The following HOXD3 variants were observed in gnomAD, a reference collection of about 807,000 sequenced individuals.
HOXD3 encodes homeobox protein Hox-D3.
Under a neutral mutation model 32.8 loss-of-function variants are expected in HOXD3, and 13 were observed. The ratio of observed to expected loss-of-function variants is 0.40; its 90% CI spans 0.26 to 0.63. The LOEUF (loss-of-function observed/expected upper bound fraction) is 0.63, where lower values mean the gene tolerates loss of function less well. Among genes scored for constraint, HOXD3 ranks in the 20% least tolerant of loss-of-function variants. The probability of loss-of-function intolerance (pLI) is 0.44; values close to 1 mark genes in which losing one functional copy is unlikely to be tolerated. For synonymous variants in HOXD3, 241 were observed against 246.8 expected (o/e 0.98, Z 0.22); for missense variants, 504 against 577.1 (o/e 0.87, Z 1.30).
intron 3 of HOXD3, among the ~76,000 whole-genome samples, chr2:176,171,117 G>C (rs975102743): frequency 6.6e-6 from 1 of 152,092 alleles, no homozygotes; most frequent in Non-Finnish European, 1.5e-5. Context: ...CCCCACCCCT[G>C]GCAGCAGAGG....
chr2:176,162,309 T>G (rs993160178), intron 1 of HOXD3, among the ~76,000 whole-genome samples: 4 of 152,188 alleles, frequency 2.6e-5, no homozygotes, highest in Admixed American at 6.5e-5. Flanking sequence ...CACTTATAAC[T>G]TCCCCCGAAA....
At chr2:176,170,903 T>TG (rs369437031) in intron 3 of HOXD3, among the ~76,000 whole-genome samples, 112 of 151,312 alleles carry the variant, frequency 7.4e-4, no homozygotes, top group African/African-American at 1.8e-3. Flanking sequence ...CAGTGTTTTT[T>TG]TTTGTTTGTT....
At position 176,172,220 on chromosome 2, in the gene HOXD3, C is replaced by G; in HGVS notation, c.1245C>G (p.Ala415=). The G allele has an allele frequency of 6.2e-7, 1 of 1,611,116 alleles. No homozygotes were observed. Among genetic ancestry groups the G allele is most frequent in the Non-Finnish European group, 8.5e-7 (1 of 1,179,914 alleles). The part of the protein sequence containing the change: ...DPHPTYTDLS[A]HHSSQGRLPE... ...ATCCCACCTACACAGATCTCTCGGC[C>G]CACCACTCGTCTCAGGGACGACTGC... is the stretch of plus-strand genomic sequence containing the variant. Residue 415 remains alanine (A), a synonymous_variant, in exon 4 of 4, where the codon GCC becomes GCG. Transcript: ENST00000683222.
chr2:176,160,153 A>G (rs961229983), intron 1 of HOXD3, among the ~76,000 whole-genome samples: 1 of 151,902 alleles, frequency 6.6e-6, no homozygotes, highest in African/African-American at 2.4e-5. Flanking sequence ...CCCTGGGAGG[A>G]GCTGGGCGTC....
chr2:176,159,654 T>C (rs1410268696), intron 1 of HOXD3, among the ~76,000 whole-genome samples: 2 of 152,212 alleles, frequency 1.3e-5, no homozygotes, highest in African/African-American at 4.8e-5. Flanking sequence ...AATTCTTTTT[T>C]CCCACATTGC....
rs761408179 is a variant in HOXD3 at position 176,172,006 on chromosome 2, G to A, written c.1031G>A (p.Gly344Asp). 10 of 1,607,034 alleles carry A rather than the reference G, an allele frequency of 6.2e-6. No homozygotes were observed. Among genetic ancestry groups the A allele is most frequent in the Non-Finnish European group, 1.7e-6 (2 of 1,178,798 alleles). Residue 344 changes from glycine to aspartate, a missense_variant, in exon 4 of 4, where the codon GGC (glycine) becomes GAC (aspartate). By Grantham distance (94) the Gly-to-Asp change is moderately conservative. Coordinates refer to ENST00000683222, the MANE Select transcript of HOXD3 (RefSeq NM_006898.5). ...CCCCATCCCATGGCGAGCAACGGCGGCGGCTTCGCCAGCGCCAACTTGCAG... is the reference window on the plus strand; with the variant it reads ...CCCCATCCCATGGCGAGCAACGGCGACGGCTTCGCCAGCGCCAACTTGCAG... ...FEPHPMASNGGGFASANLQGS... is the reference protein window; with the variant it reads ...FEPHPMASNGDGFASANLQGS...
In HOXD3 at chr2:176,171,888, T is replaced by G. The variant is rs983423831; in HGVS notation, c.913T>G (p.Ser305Ala). The change falls in exon 4 of 4, where the codon TCA becomes GCA. Residue 305 changes from serine (S) to alanine (A), a missense_variant. Coordinates refer to ENST00000683222, the MANE Select transcript of HOXD3 (RefSeq NM_006898.5). Reference sequence around the variant, plus strand: ...GCCCTCGCCGCCTGCTTTCGCCAAATCACAGCCCAATATGTACGGCCTGGC... The same window carrying G: ...GCCCTCGCCGCCTGCTTTCGCCAAAGCACAGCCCAATATGTACGGCCTGGC... ...DAPSPPAFAK[S>A]QPNMYGLAAY... The G allele has an allele frequency of 6.2e-7, 1 of 1,605,804 alleles. No individual in the cohort carries two copies. The highest frequency in any genetic ancestry group is 1.3e-5 in the African/African-American group (1 of 74,750).
In HOXD3 at chr2:176,169,053, G is replaced by A. The variant is rs961238109; in HGVS notation, c.-62G>A. ...CAGGTCACCTGGAGCCTGGGGGCCG[G>A]CCCAGCTCTCTCAGGATTCAGCAGA... On this transcript the variant is annotated 5_prime_UTR_variant, in exon 3 of 4. Coordinates refer to ENST00000683222, the MANE Select transcript of HOXD3 (RefSeq NM_006898.5). The A allele has an allele frequency of 1.6e-5, 25 of 1,537,550 alleles. No individual in the cohort carries two copies. The highest frequency in any genetic ancestry group is 2.2e-5 in the Non-Finnish European group (25 of 1,142,000).
At chr2:176,168,872 TAATA>T (rs765670447) in intron 2 of HOXD3, among the ~76,000 whole-genome samples, 155 bp from the exon 3 acceptor site, 1 of 152,188 alleles carries the variant, frequency 6.6e-6, no homozygotes, top group Non-Finnish European at 1.5e-5. Flanking sequence ...GACACTGTAT[TAATA>T]AATAAATAGA....
At chr2:176,154,061 AG>A (rs1454929335), upstream of HOXD3, among the ~76,000 whole-genome samples, 1 of 151,762 alleles carries the variant, frequency 6.6e-6, no homozygotes, top group East Asian at 1.9e-4. Flanking sequence ...TGCTTTAAGA[AG>A]GAAAAAAAAA....
Position 176,169,510 on chromosome 2 carries a change from C to A in HOXD3, c.396C>A (p.Thr132=). ...CGACCCTGCCCCCATCTTCACCCACCAATCCTGGAGGTGGAGTGCCTGCCA... is the reference window on the plus strand; with the variant it reads ...CGACCCTGCCCCCATCTTCACCCACAAATCCTGGAGGTGGAGTGCCTGCCA... The part of the protein sequence containing the change: ...PPPTLPPSSP[T]NPGGGVPAKK... Residue 132 remains threonine, a synonymous_variant, in exon 3 of 4, where the codon ACC becomes ACA. Coordinates refer to ENST00000683222, the MANE Select transcript of HOXD3 (RefSeq NM_006898.5). The A allele has an allele frequency of 6.2e-7, 1 of 1,614,088 alleles. No homozygotes were observed. The highest frequency in any genetic ancestry group is 8.5e-7 in the Non-Finnish European group (1 of 1,180,010).
intron 3 of HOXD3, 66 bp downstream of exon 3, chr2:176,169,721 C>T: frequency 6.6e-7 from 1 of 1,514,678 alleles, no homozygotes. Context: ...GAAGCCTAGT[C>T]AGGGCTGGAA....
chr2:176,172,160 T>A lies in HOXD3; in HGVS notation c.1185T>A (p.Ile395=). ...TGGACTACAGTTGCGCCGCGCAGAT[T>A]CCAGGCAACCACCACCATGGACCTT... ...ASVDYSCAAQ[I]PGNHHHGPCD... The change falls in exon 4 of 4, where the codon ATT becomes ATA. Residue 395 remains isoleucine (I), a synonymous_variant. Transcript: ENST00000683222. 1.2e-6 allele frequency: 2 copies of A among 1,613,208 alleles called. No individual in the cohort carries two copies. The highest frequency in any genetic ancestry group is 1.6e-4 in the Middle Eastern group (1 of 6,062).
chr2:176,172,409 C>A lies in HOXD3; in HGVS notation c.*135C>A. The stretch of plus-strand genomic sequence containing the variant: ...CTGCCGCCGCCTCCCGGGTCTCAGG[C>A]CTCCAGCGGCGGAGGCGCAGGCGAC... On this transcript the variant is annotated 3_prime_UTR_variant, in exon 4 of 4. Transcript: ENST00000683222. 1.1e-6 allele frequency: 1 copy of A among 888,490 alleles called. No individual in the cohort carries two copies. The allele number at this position is 888,490 out of a possible 1,614,324, so 55.0% of individuals were successfully genotyped here.
chr2:176,172,092 G>T lies in HOXD3; in HGVS notation c.1117G>T (p.Val373Phe). Residue 373 changes from valine (V) to phenylalanine (F), a missense_variant, in exon 4 of 4, where the codon GTC (valine) becomes TTC (phenylalanine). By Grantham distance (50) the Val-to-Phe change is conservative (BLOSUM62 -1). Transcript: ENST00000683222. ...VESMAPASGP[V>F]FNLGHLSHPS... ...GTCCATGGCGCCCGCGTCCGGGCCT[G>T]TCTTCAACCTGGGCCACCTCTCGCA... 1 of 1,612,266 alleles carries T rather than the reference G, an allele frequency of 6.2e-7. No homozygotes were observed. Among genetic ancestry groups the T allele is most frequent in the Non-Finnish European group, 8.5e-7 (1 of 1,179,880 alleles).
Position 176,172,330 on chromosome 2 carries a change from G to C in HOXD3, c.*56G>C. 3.4e-6 allele frequency: 5 copies of C among 1,488,632 alleles called. No homozygotes were observed. Among genetic ancestry groups the C allele is most frequent in the Non-Finnish European group, 4.5e-6 (5 of 1,111,140 alleles). 92.2% of individuals were successfully genotyped at this position (1,488,632 alleles called of 1,614,324 possible). A position where few individuals can be genotyped will look rare whatever the true frequency, so the allele number is the denominator to read the frequency against. On this transcript the variant is annotated 3_prime_UTR_variant, in exon 4 of 4. Transcript: ENST00000683222. ...ATTACCTCTCTTGCTGTAGTGGTGG[G>C]GTAGAGGGTGGGGCCCGCGGGGCAG...
chr2:176,161,122 G>T (rs1380391587), intron 1 of HOXD3: 1 of 152,230 alleles, frequency 6.6e-6, no homozygotes, highest in East Asian at 1.9e-4. Context: ...TGGGCACGGG[G>T]CTGCTTGCCG....
At chr2:176,165,809 A>C (rs756239582) in intron 2 of HOXD3, 24 of 152,156 alleles carry the variant, frequency 1.6e-4, no homozygotes, top group Non-Finnish European at 2.8e-4. Flanking sequence ...CCAAAGGGCG[A>C]GAAAAGAAAG....
upstream of HOXD3, chr2:176,152,881 C>T: frequency 1.2e-6 from 2 of 1,614,204 alleles, no homozygotes; most frequent in Non-Finnish European, 1.7e-6. This position sits in a 1 kb window ranked among gnomAD's most constrained non-coding sequence, Gnocchi z 5.2. Context: ...TCCTCAGTCG[C>T]CCCCAGCCAG....
Sources: allele counts gnomAD v4.1 joint callset (sites outside exome capture counted in the v4.1 genomes callset), GRCh38; gene constraint gnomAD v4.1.1; non-coding constraint Gnocchi (gnomAD v3.1); transcripts MANE v1.5; gene names NCBI Gene and HGNC (gene_info 2026-07-23, HGNC 2026-07-21).